ZRANB3: variants seen among roughly 807,000 people sequenced by gnomAD.
The protein encoded by ZRANB3 is DNA annealing helicase and endonuclease ZRANB3.
In ZRANB3, 125 loss-of-function variants were observed where a neutral mutation model predicts 133.8. The observed-to-expected ratio is 0.93, with a 90% CI of 0.81 to 1.08. The LOEUF (loss-of-function observed/expected upper bound fraction) is 1.08. ZRANB3 is among the 50% of genes least tolerant of loss of function. The probability of loss-of-function intolerance (pLI) is 0.00; values close to 1 mark genes in which losing one functional copy is unlikely to be tolerated. For synonymous variants in ZRANB3, 387 were observed against 432.7 expected (o/e 0.89, Z 1.31); for missense variants, 1,229 against 1,275.5 (o/e 0.96, Z 0.56).
chr2:135,201,378 G>T (rs867069546), intron 20 of ZRANB3, among the ~76,000 whole-genome samples: 141 of 152,052 alleles, frequency 9.3e-4, no homozygotes, highest in African/African-American at 3.0e-3. Context: ...TACGGTGGAG[G>T]GCGGTGGCTC....
At chr2:135,498,995 G>A (rs890421673) in intron 2 of ZRANB3, among the ~76,000 whole-genome samples, 4 of 152,158 alleles carry the variant, frequency 2.6e-5, no homozygotes, top group African/African-American at 9.6e-5. Flanking sequence ...GCCTCCATTT[G>A]CCTTATGATA....
Position 135,350,076 on chromosome 2 carries a change from C to T in ZRANB3, c.499G>A (p.Ala167Thr). ...DESHYMKSRNATRSRILLPIV... is the reference protein window; with the variant it reads ...DESHYMKSRNTTRSRILLPIV... The stretch of plus-strand genomic sequence containing the variant: ...GGCAATAAAATCCTGCTGCGAGTTG[C>T]ATTTCTGGATTTCATGTAGTGTGAT... The change falls in exon 5 of 21, where the codon GCA becomes ACA. Residue 167 changes from alanine (A) to threonine (T), a missense_variant. Physicochemically the swap from Ala to Thr is moderately conservative, Grantham distance 58. Transcript: ENST00000264159. 1 of 1,613,838 alleles carries T rather than the reference C, an allele frequency of 6.2e-7. No individual in the cohort carries two copies. The highest frequency in any genetic ancestry group is 8.5e-7 in the Non-Finnish European group (1 of 1,179,866).
At chr2:135,475,834 T>C (rs1240093402) in intron 2 of ZRANB3, among the ~76,000 whole-genome samples, 2 of 152,140 alleles carry the variant, frequency 1.3e-5, no homozygotes, top group African/African-American at 4.8e-5. Context: ...TCCCAGCACT[T>C]TGGGAGGCTG....
At position 135,449,376 on chromosome 2, in the gene ZRANB3, T is replaced by G. The variant is rs548928186; in HGVS notation, c.161+54953A>C. ...GGCTCATGTCTGTAATTCCAGCACT[T>G]TGGGAGGCCAAGGTGGGCGGATCAC... is the stretch of plus-strand genomic sequence containing the variant. On this transcript the variant is annotated intron_variant, in intron 2 of 20. Coordinates refer to ENST00000264159, the MANE Select transcript of ZRANB3 (RefSeq NM_032143.4). 1.6e-4 allele frequency among the ~76,000 whole-genome samples: 25 copies of G among 152,248 alleles called. No individual in the cohort carries two copies. The South Asian group carries it at 5.2e-3, about 32-fold the overall frequency.
intron 19 of ZRANB3, among the ~76,000 whole-genome samples, chr2:135,203,501 C>A (rs566298674): frequency 1.3e-5 from 2 of 151,820 alleles, no homozygotes; most frequent in South Asian, 2.1e-4. Context: ...TGTCTGTAGT[C>A]CCAGCTACTG....
intron 8 of ZRANB3, among the ~76,000 whole-genome samples, chr2:135,291,741 C>A (rs1259970212): frequency 2.0e-5 from 3 of 151,820 alleles, no homozygotes; most frequent in Non-Finnish European, 2.9e-5. Flanking sequence ...GCTATCCCTC[C>A]CCCCTTCCCC....
chr2:135,214,425 C>T (rs969123918), intron 17 of ZRANB3, among the ~76,000 whole-genome samples: 3 of 151,904 alleles, frequency 2.0e-5, no homozygotes, highest in South Asian at 2.1e-4. Flanking sequence ...TTGTGTCTGA[C>T]TTTGGTTTTA....
At chr2:135,409,691 T>C (rs906616078) in intron 2 of ZRANB3, among the ~76,000 whole-genome samples, 4 of 152,192 alleles carry the variant, frequency 2.6e-5, no homozygotes, top group Non-Finnish European at 5.9e-5. Context: ...AATTATCTTT[T>C]TGCACTGATG....
intron 9 of ZRANB3, among the ~76,000 whole-genome samples, chr2:135,272,602 A>G (rs923169725): frequency 6.6e-6 from 1 of 151,560 alleles, no homozygotes; most frequent in African/African-American, 2.4e-5. Context: ...TTTAGTAGAG[A>G]CAGGGTTTCA....
intron 12 of ZRANB3, among the ~76,000 whole-genome samples, chr2:135,244,383 A>G (rs1281560907): frequency 6.6e-6 from 1 of 152,204 alleles, no homozygotes; most frequent in Non-Finnish European, 1.5e-5. Context: ...AGGCGGGCAG[A>G]TCACTTGAGG....
intron 19 of ZRANB3, among the ~76,000 whole-genome samples, chr2:135,205,857 C>G (rs991897622): frequency 6.6e-6 from 1 of 152,142 alleles, no homozygotes; most frequent in Non-Finnish European, 1.5e-5. Flanking sequence ...GACTACATTT[C>G]TGGGTTATCT....
chr2:135,416,454 A>C (rs1688577971), intron 2 of ZRANB3, among the ~76,000 whole-genome samples: 1 of 152,086 alleles, frequency 6.6e-6, no homozygotes, highest in Admixed American at 6.6e-5. Context: ...CAATGAAATA[A>C]AAGAGGATAC....
chr2:135,375,015 A>G (rs1201041418), intron 3 of ZRANB3, among the ~76,000 whole-genome samples: 1 of 152,198 alleles, frequency 6.6e-6, no homozygotes, highest in African/African-American at 2.4e-5. Context: ...CTACACATAC[A>G]TTAGAATAGC....
At chr2:135,246,042 T>TC (rs1248846555) in intron 12 of ZRANB3, among the ~76,000 whole-genome samples, 3 of 142,498 alleles carry the variant, frequency 2.1e-5, no homozygotes, top group African/African-American at 7.8e-5. Flanking sequence ...TTTCTTTCTT[T>TC]TTTTTTTTTT....
rs755608929 is a variant in ZRANB3, at chr2:135,380,361, T to C, written c.180+10441A>G. 2.4e-4 allele frequency among the ~76,000 whole-genome samples: 37 copies of C among 152,186 alleles called. 1 individual carries two copies. The highest frequency in any genetic ancestry group is 7.9e-4 in the Admixed American group (12 of 15,278). ...CCACCCCAAATCAACAGAATATACA[T>C]TCTTCTCAGCATCACATCGCACTTA... On this transcript the variant is annotated intron_variant, in intron 3 of 20. Coordinates refer to ENST00000264159, the MANE Select transcript of ZRANB3 (RefSeq NM_032143.4).
chr2:135,209,760 A>G (rs145571078), intron 17 of ZRANB3, among the ~76,000 whole-genome samples: 202 of 152,302 alleles, frequency 1.3e-3, no homozygotes, highest in African/African-American at 4.6e-3. Context: ...TTTGGAAATT[A>G]GTTTAAACAT....
intron 2 of ZRANB3, among the ~76,000 whole-genome samples, chr2:135,430,745 T>A (rs1472469918): frequency 6.6e-6 from 1 of 152,192 alleles, no homozygotes; most frequent in Non-Finnish European, 1.5e-5. Context: ...AGGATACAGT[T>A]GAAAAATCAT....
At chr2:135,386,171 A>G (rs1338925652) in intron 3 of ZRANB3, among the ~76,000 whole-genome samples, 1 of 152,232 alleles carries the variant, frequency 6.6e-6, no homozygotes, top group African/African-American at 2.4e-5. Context: ...TCCATCAAAA[A>G]GTGGGCAAAG....
At chr2:135,522,940 G>A (rs1377146940) in intron 1 of ZRANB3, among the ~76,000 whole-genome samples, 2 of 152,070 alleles carry the variant, frequency 1.3e-5, no homozygotes, top group African/African-American at 4.8e-5. Context: ...ATGAATGTGG[G>A]GGCAGGAATA....
Sources: allele counts gnomAD v4.1 joint callset (sites outside exome capture counted in the v4.1 genomes callset), GRCh38; gene constraint gnomAD v4.1.1; transcripts MANE v1.5; gene names NCBI Gene and HGNC (gene_info 2026-07-23, HGNC 2026-07-21).